The following UNC79 variants were observed in gnomAD, a reference collection of about 807,000 sequenced individuals.
UNC79 encodes the protein unc-79 subunit of NALCN channel complex.
A neutral mutation model predicts 283.1 loss-of-function variants in UNC79; 37 were observed. The observed-to-expected ratio is 0.13, with a 90% confidence interval of 0.10 to 0.17. The LOEUF (loss-of-function observed/expected upper bound fraction) is 0.17, where lower values mean the gene tolerates loss of function less well. UNC79 is among the 10% of genes least tolerant of loss of function. The pLI is 1.00. For missense variants in UNC79, 2,272 were observed against 3,211.1 expected, an observed-to-expected ratio of 0.71 and a Z score of 7.07; for synonymous variants, 1,107 against 1,200.2, an observed-to-expected ratio of 0.92 and a Z score of 1.61.
intron 1 of UNC79, among the ~76,000 whole-genome samples, chr14:93,380,521 CCTT>C: frequency 6.6e-6 from 1 of 152,244 alleles, no homozygotes; most frequent in South Asian, 2.1e-4. Flanking sequence ...CTCCTTGCTT[CCTT>C]CTTTTATTTT....
intron 1 of UNC79, among the ~76,000 whole-genome samples, chr14:93,357,233 T>G (rs2054103367): frequency 6.6e-6 from 1 of 152,192 alleles, no homozygotes; most frequent in South Asian, 2.1e-4. Context: ...CTGCATAGTA[T>G]TCCATGGTGT....
chr14:93,607,242 T>C (rs2065950055), intron 26 of UNC79, among the ~76,000 whole-genome samples: 1 of 152,184 alleles, frequency 6.6e-6, no homozygotes, highest in Non-Finnish European at 1.5e-5. Flanking sequence ...ACTAATGGTA[T>C]CAATCCCATG....
At chr14:93,649,777 T>A (rs1448580237) in intron 35 of UNC79, among the ~76,000 whole-genome samples, 2 of 152,206 alleles carry the variant, frequency 1.3e-5, no homozygotes, top group Non-Finnish European at 2.9e-5. Flanking sequence ...TACGATACAT[T>A]GTTGTTAACT....
intron 18 of UNC79, among the ~76,000 whole-genome samples, chr14:93,578,999 C>T (rs1044326424): frequency 2.6e-5 from 4 of 152,124 alleles, no homozygotes; most frequent in South Asian, 4.1e-4. Flanking sequence ...GTGGGTACCT[C>T]GTAGGTGTCT....
intron 9 of UNC79, 90 bp from the exon 10 acceptor site, chr14:93,529,196 C>A: frequency 7.5e-7 from 1 of 1,338,214 alleles, no homozygotes; most frequent in Non-Finnish European, 1.0e-6. Context: ...TATTAAAAGC[C>A]TTTCAGCACT....
At chr14:93,597,390 G>C in exon 24 of UNC79, 1 of 1,613,918 alleles carries the variant, frequency 6.2e-7, no homozygotes, top group South Asian at 1.1e-5. Flanking sequence ...GTAGATTTCT[G>C]GATATTCACT....
At chr14:93,492,162 G>A (rs148626590) in intron 5 of UNC79, among the ~76,000 whole-genome samples, 371 of 152,258 alleles carry the variant, frequency 2.4e-3, no homozygotes, top group African/African-American at 5.1e-3. Context: ...TTGCTATGAA[G>A]CTTATGTCTA....
rs952789518 is a variant in UNC79 at position 93,341,604 on chromosome 14, C to CAA, written c.-351+8100_-351+8101dup. On this transcript the variant is annotated intron_variant, in intron 1 of 49. Coordinates refer to the UNC79 transcript ENST00000256339. ...GCAAAATTGTGAGACTCTGTCTCTA[C>CAA]AAAAAAAAAAAAAAAAAAAATTAGC... 2.8e-3 allele frequency among the ~76,000 whole-genome samples: 173 copies of CAA among 62,676 alleles called. 1 individual carries two copies. Among genetic ancestry groups the CAA allele is most frequent in the African/African-American group, 6.7e-3 (155 of 23,274 alleles). 41.1% of individuals were successfully genotyped at this position (62,676 alleles called of 152,430 possible).
chr14:93,412,905 G>A (rs1275545343), intron 1 of UNC79, among the ~76,000 whole-genome samples: 1 of 151,912 alleles, frequency 6.6e-6, no homozygotes, highest in South Asian at 2.1e-4. Context: ...ACTTCAATCA[G>A]AAAAAAATGG....
In UNC79 at chr14:93,541,645, C is replaced by A. The variant is rs986404653; in HGVS notation, c.1524+814C>A. On this transcript the variant is annotated intron_variant, in intron 13 of 48. Coordinates refer to ENST00000555664, the Ensembl canonical transcript of UNC79. The stretch of plus-strand genomic sequence containing the variant: ...CAATGTTTTATTTATTTTTTTTATT[C>A]CTGGACCCTGCCATAGTACTCAATA... 3.3e-5 allele frequency among the ~76,000 whole-genome samples: 5 copies of A among 151,946 alleles called. No individual in the cohort carries two copies. The East Asian group carries it at 9.6e-4, about 29-fold the overall frequency.
rs188533967 is a variant in UNC79 at position 93,345,419 on chromosome 14, A to T, written c.-351+11896A>T. On this transcript the variant is annotated intron_variant, in intron 1 of 49. Transcript: ENST00000256339. ...AAACTGGCAAGTTCAAAATAAATAA[A>T]TAGAATGTACGCTAAAGAAACACAG... Among the ~76,000 whole-genome samples, 151 of 151,452 alleles carry T rather than the reference A, an allele frequency of 1.0e-3. 5 individuals carry two copies. The East Asian group carries it at 0.026, about 26-fold the overall frequency.
chr14:93,451,085 A>G (rs1195257088), intron 1 of UNC79, among the ~76,000 whole-genome samples: 1 of 151,814 alleles, frequency 6.6e-6, no homozygotes, highest in African/African-American at 2.4e-5. Context: ...ATTTATAGGT[A>G]GAGTATCTTA....
chr14:93,659,545 G>T (rs2071317077), intron 39 of UNC79, among the ~76,000 whole-genome samples: 1 of 152,154 alleles, frequency 6.6e-6, no homozygotes, highest in African/African-American at 2.4e-5. Context: ...ATCTTATCGT[G>T]TTGGTTCTTT....
intron 16 of UNC79, 72 bp downstream of exon 16, chr14:93,572,888 G>C: frequency 1.0e-5 from 16 of 1,560,742 alleles, no homozygotes; most frequent in Non-Finnish European, 1.4e-5. Flanking sequence ...CCTGGATCGA[G>C]AGAGTGGGAG....
At chr14:93,700,233 A>G (rs2075429723) in intron 47 of UNC79, among the ~76,000 whole-genome samples, 1 of 151,972 alleles carries the variant, frequency 6.6e-6, no homozygotes, top group Non-Finnish European at 1.5e-5. Flanking sequence ...CAATTTGATG[A>G]TGCTATGCCT....
intron 47 of UNC79, among the ~76,000 whole-genome samples, chr14:93,698,560 G>A (rs1436831800): frequency 3.0e-5 from 4 of 132,458 alleles, no homozygotes; most frequent in Non-Finnish European, 3.1e-5. Flanking sequence ...ATCTTGGCTC[G>A]CCACAACCTC....
intron 30 of UNC79, among the ~76,000 whole-genome samples, chr14:93,629,528 T>A (rs1252248499): frequency 6.6e-6 from 1 of 152,204 alleles, no homozygotes; most frequent in Non-Finnish European, 1.5e-5. Flanking sequence ...TGCTTTTTTG[T>A]TATCAAGAGG....
intron 1 of UNC79, among the ~76,000 whole-genome samples, chr14:93,443,527 G>A (rs927692767): frequency 1.3e-4 from 20 of 150,784 alleles, no homozygotes; most frequent in Admixed American, 3.3e-4. Flanking sequence ...AGGTTCAAGC[G>A]ATTCTCCTGC....
At chr14:93,396,642 G>A (rs1431827219) in intron 1 of UNC79, among the ~76,000 whole-genome samples, 2 of 152,052 alleles carry the variant, frequency 1.3e-5, no homozygotes, top group African/African-American at 4.8e-5. Context: ...AATTATTGCT[G>A]TAACATCTAT....
Sources: gnomAD v4.1 joint callset for allele counts (sites outside exome capture counted in the v4.1 genomes callset) on GRCh38, gnomAD v4.1.1 for gene constraint, MANE v1.5 for transcripts, NCBI Gene and HGNC (gene_info 2026-07-23, HGNC 2026-07-21) for gene names.